The following TMEM79 variants were observed in gnomAD, a reference collection of about 807,000 sequenced individuals.
The protein encoded by TMEM79 is mattrin.
TMEM79 carries 30 observed loss-of-function variants against 31.2 expected under a neutral mutation model. The observed-to-expected ratio is 0.96, with a 90% CI of 0.72 to 1.30. The LOEUF is 1.30. TMEM79 is among the 50% of genes most tolerant of loss of function. TMEM79 has a pLI of 0.00. For missense variants in TMEM79, 509 were observed against 528.2 expected (o/e 0.96, Z 0.36); for synonymous variants, 213 against 229.5 (o/e 0.93, Z 0.65).
At chr1:156,291,313 A>G in intron 3 of TMEM79, 72 bp from the exon 4 acceptor site, 1 of 1,423,060 alleles carries the variant, frequency 7.0e-7, no homozygotes, top group Non-Finnish European at 9.8e-7. Context: ...TACTCCCCCC[A>G]CCGTCAGCCT....
In TMEM79 at chr1:156,285,934, G is replaced by T; in HGVS notation, c.708G>T (p.Leu236=). Residue 236 remains leucine (L), a synonymous_variant, in exon 2 of 4, where the codon CTG becomes CTT. Coordinates refer to ENST00000405535, the MANE Select transcript of TMEM79 (RefSeq NM_032323.3). The stretch of plus-strand genomic sequence containing the variant: ...GGCTGCCCACCATGAGTTCCCGCCT[G>T]ATCTACACACTGCGCTGCGGGGTCT... ...VPRLPTMSSR[L]IYTLRCGVFA... 1 of 1,612,860 alleles carries T rather than the reference G, an allele frequency of 6.2e-7. No individual in the cohort carries two copies. Among genetic ancestry groups the T allele is most frequent in the Middle Eastern group, 1.6e-4 (1 of 6,062 alleles).
chr1:156,282,992 C>T, upstream of TMEM79: 1 of 511,252 alleles, frequency 2.0e-6, no homozygotes. Context: ...TTGCGAAAAA[C>T]TTTATTGGCA....
chr1:156,283,824 T>G (rs760288731), upstream of TMEM79, among the ~76,000 whole-genome samples: 3 of 152,240 alleles, frequency 2.0e-5, no homozygotes, highest in Non-Finnish European at 2.9e-5. Context: ...CCATCAGGTT[T>G]CAGCTCAAAT....
chr1:156,287,077 C>T (rs1259568100), intron 3 of TMEM79, among the ~76,000 whole-genome samples: 4 of 151,840 alleles, frequency 2.6e-5, no homozygotes, highest in Admixed American at 2.6e-4. Flanking sequence ...GACACAAGAT[C>T]GTGTCACTGT....
At position 156,292,008 on chromosome 1, in the gene TMEM79, G is replaced by A. The variant is rs537783858; in HGVS notation, c.*410G>A. 4.8e-6 allele frequency: 2 copies of A among 421,014 alleles called. No individual in the cohort carries two copies. Among genetic ancestry groups the A allele is most frequent in the Non-Finnish European group, 8.6e-6 (2 of 232,330 alleles). The allele number at this position is 421,014 out of a possible 1,614,324, so 26.1% of individuals were successfully genotyped here. A position where few individuals can be genotyped will look rare whatever the true frequency, so the allele number is the denominator to read the frequency against. ...GAGGCAGAGCCACAGCCAAGGCCCT[G>A]ACCACTTCTGTGCCAGTTGTCTAAG... On this transcript the variant is annotated 3_prime_UTR_variant, in exon 4 of 4. Coordinates refer to ENST00000405535, the MANE Select transcript of TMEM79 (RefSeq NM_032323.3).
In TMEM79 at chr1:156,292,046, G is replaced by GGGAC. The variant is rs1291992767; in HGVS notation, c.*450_*453dup. 6.4e-6 allele frequency: 2 copies of GGGAC among 313,368 alleles called. No homozygotes were observed. Among genetic ancestry groups the GGGAC allele is most frequent in the African/African-American group, 4.2e-5 (2 of 47,986 alleles). The allele number at this position is 313,368 out of a possible 1,614,324, so 19.4% of individuals were successfully genotyped here. ...CCAGTTGTCTAAGCAGAGCGCCTCA[G>GGGAC]GGACGCTGGAAATGCCTTAAGGATA... On this transcript the variant is annotated 3_prime_UTR_variant, in exon 4 of 4. Coordinates refer to ENST00000405535, the MANE Select transcript of TMEM79 (RefSeq NM_032323.3).
At chr1:156,286,097 T>C in intron 2 of TMEM79, 114 bp downstream of exon 2, 2 of 1,463,604 alleles carry the variant, frequency 1.4e-6, no homozygotes, top group Non-Finnish European at 1.9e-6. Context: ...CCTCAGGGTC[T>C]CCCACCCCCT....
Position 156,286,249 on chromosome 1 carries a change from A to G in TMEM79, c.758-11A>G, listed in dbSNP as rs1663157341. ...TTTTCTGACCCTACCCTGTTTCCCAACTCCACCCAGGGATCCTGGTGTACG... is the reference window on the plus strand; with the variant it reads ...TTTTCTGACCCTACCCTGTTTCCCAGCTCCACCCAGGGATCCTGGTGTACG... On this transcript the variant is annotated splice_polypyrimidine_tract_variant and intron_variant, in intron 2 of 3. Transcript: ENST00000405535. 1.2e-6 allele frequency: 2 copies of G among 1,611,866 alleles called. No individual in the cohort carries two copies. The highest frequency in any genetic ancestry group is 2.2e-5 in the South Asian group (2 of 91,000).
At chr1:156,286,231 A>T in intron 2 of TMEM79, 29 bp from the exon 3 acceptor site, 1 of 1,609,688 alleles carries the variant, frequency 6.2e-7, no homozygotes, top group Non-Finnish European at 8.5e-7. Flanking sequence ...GCCTTTTCTG[A>T]CCCTACCCTG....
intron 3 of TMEM79, chr1:156,291,158 C>T (rs1277042089): frequency 1.8e-6 from 1 of 552,224 alleles, no homozygotes; most frequent in Non-Finnish European, 3.2e-6. Flanking sequence ...AAAGGAATAA[C>T]ATACTCAACT....
rs1173939395 is a variant in TMEM79 at position 156,285,438 on chromosome 1, G to T, written c.212G>T (p.Ser71Ile). The T allele has an allele frequency of 8.7e-6, 14 of 1,613,448 alleles. No individual in the cohort carries two copies. In the Admixed American group the frequency reaches 2.3e-4, roughly 27 times the overall value. ...GAGGATGGTCTAGACAGCACAGTAAGTGAGGCTGCCACCTTGCCCTGGGGG... is the reference window on the plus strand; with the variant it reads ...GAGGATGGTCTAGACAGCACAGTAATTGAGGCTGCCACCTTGCCCTGGGGG... ...GAEDGLDSTV[S>I]EAATLPWGTG... Residue 71 changes from serine to isoleucine, a missense_variant, in exon 2 of 4, where the codon AGT becomes ATT. By Grantham distance (142) the Ser-to-Ile change is moderately radical. Coordinates refer to ENST00000405535, the MANE Select transcript of TMEM79 (RefSeq NM_032323.3).
rs565884107 is a variant in TMEM79, at chr1:156,285,886, C to T, written c.660C>T (p.Ala220=). Reference sequence around the variant, plus strand: ...CTTGCCTACTATACGGGGCATATGCCTTCCTGCCGTTTGATGTCCCACGGC... The same window carrying T: ...CTTGCCTACTATACGGGGCATATGCTTTCCTGCCGTTTGATGTCCCACGGC... ...LFPCLLYGAY[A]FLPFDVPRLP... is the part of the protein sequence containing the mutation. Residue 220 remains alanine, a synonymous_variant, in exon 2 of 4, where the codon GCC becomes GCT. Coordinates refer to ENST00000405535, the MANE Select transcript of TMEM79 (RefSeq NM_032323.3). The T allele has an allele frequency of 1.2e-6, 2 of 1,613,932 alleles. No individual in the cohort carries two copies. The highest frequency in any genetic ancestry group is 1.1e-5 in the South Asian group (1 of 91,086).
intron 1 of TMEM79, among the ~76,000 whole-genome samples, 165 bp from the exon 2 acceptor site, chr1:156,285,019 C>T (rs1663108911): frequency 6.6e-6 from 1 of 152,182 alleles, no homozygotes; most frequent in South Asian, 2.1e-4. Flanking sequence ...TTCCTTCCCT[C>T]CTCCCTCTGT....
intron 3 of TMEM79, 93 bp downstream of exon 3, chr1:156,286,566 C>A: frequency 7.7e-7 from 1 of 1,301,170 alleles, no homozygotes; most frequent in African/African-American, 1.5e-5. Context: ...CAGGAGCTTT[C>A]CGGATTCTAC....
upstream of TMEM79, among the ~76,000 whole-genome samples, chr1:156,283,309 C>T (rs576983788): frequency 2.6e-5 from 4 of 152,338 alleles, no homozygotes; most frequent in South Asian, 2.1e-4. Flanking sequence ...ACAAGCGTCT[C>T]GGCCCTTCAG....
At chr1:156,291,324 A>G (rs1419072338) in intron 3 of TMEM79, 61 bp from the exon 4 acceptor site, 2 of 1,519,170 alleles carry the variant, frequency 1.3e-6, no homozygotes, top group Admixed American at 1.7e-5. Flanking sequence ...CCGTCAGCCT[A>G]TTGCCAATCA....
rs777470861 is a variant in TMEM79, at chr1:156,291,694, A to G, written c.*96A>G. The G allele has an allele frequency of 8.6e-6, 10 of 1,157,738 alleles. No homozygotes were observed. Among genetic ancestry groups the G allele is most frequent in the Non-Finnish European group, 5.1e-6 (4 of 785,960 alleles). The allele number at this position is 1,157,738 out of a possible 1,614,324, so 71.7% of individuals were successfully genotyped here. On this transcript the variant is annotated 3_prime_UTR_variant, in exon 4 of 4. Transcript: ENST00000405535. Reference sequence around the variant, plus strand: ...AGGCCTGGACTTCGCCCCCAGGCCTAGGACCGCGGTGGGTGGAACCCTGCT... The same window carrying G: ...AGGCCTGGACTTCGCCCCCAGGCCTGGGACCGCGGTGGGTGGAACCCTGCT...
At position 156,291,763 on chromosome 1, in the gene TMEM79, C is replaced by T; in HGVS notation, c.*165C>T. 1.6e-6 allele frequency: 1 copy of T among 640,228 alleles called. No homozygotes were observed. The highest frequency in any genetic ancestry group is 2.7e-5 in the East Asian group (1 of 36,536). 39.7% of individuals were successfully genotyped at this position (640,228 alleles called of 1,614,324 possible). A position where few individuals can be genotyped will look rare whatever the true frequency, so the allele number is the denominator to read the frequency against. Reference sequence around the variant, plus strand: ...CCAATCAATCGGAGTTCTCCCCTTGCCGGAGCTGCCCTTCACCTTTGGGGC... The same window carrying T: ...CCAATCAATCGGAGTTCTCCCCTTGTCGGAGCTGCCCTTCACCTTTGGGGC... On this transcript the variant is annotated 3_prime_UTR_variant, in exon 4 of 4. Transcript: ENST00000405535.
At chr1:156,288,238 G>T (rs1663223012) in intron 3 of TMEM79, among the ~76,000 whole-genome samples, 1 of 149,522 alleles carries the variant, frequency 6.7e-6, no homozygotes, top group East Asian at 1.9e-4. Flanking sequence ...ATTTTCACAT[G>T]AACTACTGTT....
Sources: gnomAD v4.1 joint callset for allele counts (sites outside exome capture counted in the v4.1 genomes callset) on GRCh38, gnomAD v4.1.1 for gene constraint, MANE v1.5 for transcripts, NCBI Gene and HGNC (gene_info 2026-07-23, HGNC 2026-07-21) for gene names.